Variants in CTNNA3 observed in about 807,000 individuals in gnomAD.
CTNNA3 encodes catenin alpha 3, also known as catenin alpha-3.
Under a neutral mutation model 95.7 loss-of-function variants are expected in CTNNA3, and 76 were observed. That is an observed-to-expected ratio of 0.79 (90% confidence interval 0.66 to 0.96). CTNNA3 has a LOEUF of 0.96. Ranked by LOEUF, CTNNA3 falls within the 40% of genes least tolerant of loss-of-function variation. The probability of loss-of-function intolerance (pLI) is 0.00; values close to 1 mark genes in which losing one functional copy is unlikely to be tolerated. For synonymous variants in CTNNA3, 431 were observed against 374.4 expected, an observed-to-expected ratio of 1.15 and a Z score of -1.74; for missense variants, 1,191 against 1,089.8, an observed-to-expected ratio of 1.09 and a Z score of -1.31.
chr10:66,387,680 G>A (rs1440005720), intron 11 of CTNNA3, among the ~76,000 whole-genome samples: 2 of 152,130 alleles, frequency 1.3e-5, no homozygotes, highest in Non-Finnish European at 1.5e-5. Context: ...CAATAGCAAA[G>A]ACTTGGAACC....
At chr10:67,049,282 A>T (rs1854945469) in intron 7 of CTNNA3, among the ~76,000 whole-genome samples, 1 of 151,834 alleles carries the variant, frequency 6.6e-6, no homozygotes, top group Non-Finnish European at 1.5e-5. Context: ...GTCTATTATT[A>T]ATCAACCAAT....
intron 9 of CTNNA3, among the ~76,000 whole-genome samples, chr10:66,702,061 C>T (rs1238346364): frequency 6.6e-6 from 1 of 152,026 alleles, no homozygotes; most frequent in Admixed American, 6.6e-5. Flanking sequence ...TTATAAGCTA[C>T]TGATAAGCAA....
intron 6 of CTNNA3, among the ~76,000 whole-genome samples, chr10:67,217,272 A>G (rs1864415667): frequency 6.6e-6 from 1 of 151,920 alleles, no homozygotes; most frequent in African/African-American, 2.4e-5. Flanking sequence ...GCAACCATTT[A>G]ATTTACCAAA....
chr10:67,061,782 A>C (rs1855769433), intron 7 of CTNNA3, among the ~76,000 whole-genome samples: 3 of 152,180 alleles, frequency 2.0e-5, no homozygotes, highest in Non-Finnish European at 4.4e-5. Context: ...ATCCTTAATA[A>C]GAAAGGACAG....
At chr10:66,996,647 T>TCCAAAAAAAAA (rs1851361925) in intron 7 of CTNNA3, among the ~76,000 whole-genome samples, 6 of 8,950 alleles carry the variant, frequency 6.7e-4, no homozygotes, top group African/African-American at 1.1e-3. Flanking sequence ...ACTCCGTCTC[T>TCCAAAAAAAAA]ACAAAAAAAA....
intron 9 of CTNNA3, among the ~76,000 whole-genome samples, chr10:66,683,816 A>G (rs1485690167): frequency 1.3e-5 from 2 of 152,166 alleles, no homozygotes. Flanking sequence ...GCTGGTTTGA[A>G]GAAAGATGGG....
chr10:66,621,618 T>C, intron 10 of CTNNA3, 74 bp downstream of exon 10: 1 of 798,142 alleles, frequency 1.3e-6, no homozygotes, highest in Non-Finnish European at 1.9e-6. Context: ...AAAAAAATAG[T>C]GTATTTTCAT....
chr10:66,947,433 A>C (rs1480073796), intron 7 of CTNNA3, among the ~76,000 whole-genome samples: 1 of 152,158 alleles, frequency 6.6e-6, no homozygotes, highest in East Asian at 1.9e-4. Context: ...TCCATGGGGA[A>C]AGGGGAATGG....
At chr10:66,207,705 C>T (rs909452031) in intron 13 of CTNNA3, among the ~76,000 whole-genome samples, 14 of 152,002 alleles carry the variant, frequency 9.2e-5, no homozygotes, top group African/African-American at 3.4e-4. Flanking sequence ...CAAAATTTTA[C>T]TGATAGCTTA....
At chr10:67,023,873 A>C (rs551226801) in intron 7 of CTNNA3, among the ~76,000 whole-genome samples, 7 of 152,320 alleles carry the variant, frequency 4.6e-5, no homozygotes, top group African/African-American at 1.7e-4. Flanking sequence ...GTAGAATGAC[A>C]CTCAATACTT....
intron 1 of CTNNA3, among the ~76,000 whole-genome samples, chr10:67,726,955 T>G (rs1431991602): frequency 1.2e-4 from 14 of 114,544 alleles, no homozygotes; most frequent in Non-Finnish European, 2.1e-4. Context: ...TATTATATAT[T>G]ATATAATTAT....
chr10:66,699,995 T>C (rs1042810138), intron 9 of CTNNA3, among the ~76,000 whole-genome samples: 1 of 152,088 alleles, frequency 6.6e-6, no homozygotes, highest in African/African-American at 2.4e-5. Flanking sequence ...TACTTGGTTT[T>C]TTTTTGTTTT....
chr10:67,264,945 A>G (rs538270041), intron 5 of CTNNA3, among the ~76,000 whole-genome samples: 1 of 152,332 alleles, frequency 6.6e-6, no homozygotes, highest in African/African-American at 2.4e-5. Context: ...GAAGGTAACA[A>G]TTAGATATAA....
intron 11 of CTNNA3, among the ~76,000 whole-genome samples, chr10:66,503,837 A>G (rs2131971679): frequency 6.6e-6 from 1 of 152,268 alleles, no homozygotes; most frequent in African/African-American, 2.4e-5. Flanking sequence ...TCAAATCTAT[A>G]AGAATTACTT....
intron 13 of CTNNA3, among the ~76,000 whole-genome samples, chr10:66,170,048 G>C (rs569956869): frequency 6.6e-6 from 1 of 151,846 alleles, no homozygotes; most frequent in Non-Finnish European, 1.5e-5. Flanking sequence ...ATTTATCTTC[G>C]TTTTTGTTGC....
At chr10:65,925,590 C>T (rs1408449430) in intron 17 of CTNNA3, among the ~76,000 whole-genome samples, 1 of 152,092 alleles carries the variant, frequency 6.6e-6, no homozygotes, top group African/African-American at 2.4e-5. Flanking sequence ...GTGCATGCCA[C>T]CATGCCTGGC....
intron 2 of CTNNA3, among the ~76,000 whole-genome samples, chr10:67,629,800 A>C (rs1839080968): frequency 6.6e-6 from 1 of 152,170 alleles, no homozygotes. Context: ...GCAACTAGGT[A>C]ATCTTATTGT....
chr10:66,400,547 C>T (rs943799697), intron 11 of CTNNA3, among the ~76,000 whole-genome samples: 2 of 152,066 alleles, frequency 1.3e-5, no homozygotes. Flanking sequence ...GATATATACA[C>T]ATAATACACA....
At chr10:66,266,397 A>C (rs576763873) in intron 13 of CTNNA3, among the ~76,000 whole-genome samples, 1 of 152,124 alleles carries the variant, frequency 6.6e-6, no homozygotes, top group East Asian at 1.9e-4. Flanking sequence ...GTTCTTTTGA[A>C]GCTAAATGTA....
Sources: allele counts gnomAD v4.1 joint callset (sites outside exome capture counted in the v4.1 genomes callset), GRCh38; gene constraint gnomAD v4.1.1; transcripts MANE v1.5; gene names NCBI Gene and HGNC (gene_info 2026-07-23, HGNC 2026-07-21).